The following PPP2R5B variants were observed in gnomAD, a reference collection of about 807,000 sequenced individuals.
PPP2R5B encodes the protein serine/threonine-protein phosphatase 2A 56 kDa regulatory subunit beta isoform.
PPP2R5B carries 19 observed loss-of-function variants against 59.9 expected under a neutral mutation model. That is an observed-to-expected ratio of 0.32 (90% CI 0.22 to 0.47). The LOEUF is 0.47. PPP2R5B is among the 20% of genes least tolerant of loss of function. The pLI, the probability that PPP2R5B is intolerant of heterozygous loss-of-function variation, is 1.00. For synonymous variants in PPP2R5B, 286 were observed against 260.5 expected (o/e 1.10, Z -0.94); for missense variants, 441 against 640.2 (o/e 0.69, Z 3.36).
At chr11:64,929,859 T>C (rs567364327) in intron 6 of PPP2R5B, among the ~76,000 whole-genome samples, 1 of 152,332 alleles carries the variant, frequency 6.6e-6, no homozygotes, top group East Asian at 1.9e-4. Context: ...TTAGTTGTTA[T>C]TAGCTACAAA....
intron 11 of PPP2R5B, 141 bp from the exon 12 acceptor site, chr11:64,932,624 C>T (rs1945238945): frequency 3.9e-6 from 4 of 1,025,250 alleles, no homozygotes; most frequent in Non-Finnish European, 1.4e-6. Flanking sequence ...ACTGTTGCTT[C>T]CTCCAGGGCT....
intron 2 of PPP2R5B, 124 bp from the exon 3 acceptor site, chr11:64,926,588 G>A: frequency 5.0e-6 from 5 of 1,005,000 alleles, no homozygotes; most frequent in Non-Finnish European, 5.8e-6. Context: ...GCAGGAGATG[G>A]CACAAGAGCA....
intron 13 of PPP2R5B, 39 bp downstream of exon 13, chr11:64,933,285 G>A: frequency 6.5e-7 from 1 of 1,535,404 alleles, no homozygotes; most frequent in Non-Finnish European, 9.0e-7. Flanking sequence ...AGGGAGAAGA[G>A]CAGGGAGGAG....
Position 64,925,783 on chromosome 11 carries a change from C to A in PPP2R5B, c.49C>A (p.Pro17Thr). ...AAGCACCCCCACTAGCCCCTCCTCC[C>A]CCGGGCTGTCGCCTGTGCCCCCACC... is the stretch of plus-strand genomic sequence containing the variant. ...PASTPTSPSS[P>T]GLSPVPPPDK... The change falls in exon 2 of 14, where the codon CCC becomes ACC. Residue 17 changes from proline (P) to threonine (T), a missense_variant. Around this residue, in one of 3 missense-constraint regions of PPP2R5B, gnomAD observed 103 missense variants for 87.9 expected, o/e 1.17. Coordinates refer to ENST00000164133, the MANE Select transcript of PPP2R5B (RefSeq NM_006244.4). The surrounding 1 kb of genome is among the most constrained non-coding windows in gnomAD (Gnocchi z 4.6). 1 of 1,588,844 alleles carries A rather than the reference C, an allele frequency of 6.3e-7. No homozygotes were observed. Among genetic ancestry groups the A allele is most frequent in the African/African-American group, 1.3e-5 (1 of 74,562 alleles).
rs67232843 is a variant in PPP2R5B, at chr11:64,934,123, C to T, written c.*279C>T. The T allele has an allele frequency of 0.12, 45,121 of 384,102 alleles. 3,118 individuals carry two copies. The highest frequency in any genetic ancestry group is 0.26 in the East Asian group (6,324 of 24,452). 23.8% of individuals were successfully genotyped at this position (384,102 alleles called of 1,614,324 possible). A position where few individuals can be genotyped will look rare whatever the true frequency, so the allele number is the denominator to read the frequency against. Reference sequence around the variant, plus strand: ...TTCCCCTGCCCCGCAAAGCTAGGCTCCAGCTGCAGGCGGGCTCCCACCCTC... The same window carrying T: ...TTCCCCTGCCCCGCAAAGCTAGGCTTCAGCTGCAGGCGGGCTCCCACCCTC... On this transcript the variant is annotated 3_prime_UTR_variant, in exon 14 of 14. Transcript: ENST00000164133.
In PPP2R5B at chr11:64,932,758, G is replaced by A. The variant is rs940859459; in HGVS notation, c.1117-7G>A. Reference sequence around the variant, plus strand: ...AGTTAATCACTCTGCCATCTTGTCTGCCCCAGGTTGCAGAGCGGGCTCTGT... The same window carrying A: ...AGTTAATCACTCTGCCATCTTGTCTACCCCAGGTTGCAGAGCGGGCTCTGT... On this transcript the variant is annotated splice_region_variant and splice_polypyrimidine_tract_variant and intron_variant, in intron 11 of 13. Transcript: ENST00000164133. The A allele has an allele frequency of 6.2e-7, 1 of 1,613,280 alleles. No homozygotes were observed. Among genetic ancestry groups the A allele is most frequent in the Non-Finnish European group, 8.5e-7 (1 of 1,179,618 alleles).
intron 1 of PPP2R5B, chr11:64,918,127 T>C (rs1469019986): frequency 1.3e-5 from 2 of 152,258 alleles, no homozygotes; most frequent in African/African-American, 4.8e-5. Context: ...CCAGTGTTTA[T>C]ACATAACGTT....
chr11:64,926,981 C>G (rs1367620861), intron 3 of PPP2R5B, 73 bp downstream of exon 3: 1 of 1,513,098 alleles, frequency 6.6e-7, no homozygotes, highest in Non-Finnish European at 9.0e-7. Context: ...TCCGCAGGAC[C>G]CCTGCGTGGA....
Position 64,933,789 on chromosome 11 carries a change from AG to A in PPP2R5B, c.1441del (p.Ala481ProfsTer57). ...RRLQGTQGAK[E>X]APLQRLTPQV... ...CTACAGGGGACCCAGGGGGCCAAGGAGGCCCCCCTCCAGCGGCTTACACCCC... is the reference window on the plus strand; with the variant it reads ...CTACAGGGGACCCAGGGGGCCAAGGAGCCCCCCTCCAGCGGCTTACACCCC... On this transcript the variant is annotated frameshift_variant, in exon 14 of 14. Transcript: ENST00000164133. LOFTEE classifies it high-confidence loss of function. The A allele has an allele frequency of 6.4e-7, 1 of 1,553,724 alleles. No individual in the cohort carries two copies. The highest frequency in any genetic ancestry group is 8.7e-7 in the Non-Finnish European group (1 of 1,148,208).
chr11:64,920,310 A>C (rs993234813), upstream of PPP2R5B, among the ~76,000 whole-genome samples: 1 of 152,170 alleles, frequency 6.6e-6, no homozygotes, highest in Non-Finnish European at 1.5e-5. Flanking sequence ...TTGTAACTGA[A>C]CTGGTGGGCA....
upstream of PPP2R5B, among the ~76,000 whole-genome samples, chr11:64,921,790 C>T (rs1292104101): frequency 6.6e-6 from 1 of 152,198 alleles, no homozygotes; most frequent in Admixed American, 6.5e-5. Context: ...AAGCAAACTT[C>T]ATCTATAAAT....
chr11:64,933,392 A>T, intron 13 of PPP2R5B, 146 bp downstream of exon 13: 1 of 757,832 alleles, frequency 1.3e-6, no homozygotes, highest in Admixed American at 2.2e-5. Context: ...CCTATGCCTG[A>T]CTGTCTGCCC....
In PPP2R5B at chr11:64,931,051, A is replaced by T. The variant is rs576201717; in HGVS notation, c.892-385A>T. Among the ~76,000 whole-genome samples, 120 of 150,090 alleles carry T rather than the reference A, an allele frequency of 8.0e-4. No homozygotes were observed. The highest frequency in any genetic ancestry group is 2.2e-3 in the East Asian group (11 of 5,102). ...CCACATGCCTGGCTAATTAAAAAAA[A>T]TTTTTTTTTTGTAGAGACAGTGTCT... On this transcript the variant is annotated intron_variant, in intron 8 of 13. Transcript: ENST00000164133. This position sits in a 1 kb window ranked among gnomAD's most constrained non-coding sequence, Gnocchi z 5.0.
Position 64,929,076 on chromosome 11 carries a change from TAC to T in PPP2R5B, c.722+653_722+654del, listed in dbSNP as rs1485887414. Among the ~76,000 whole-genome samples the T allele has an allele frequency of 2.6e-5, 4 of 152,344 alleles. No homozygotes were observed. The East Asian group carries it at 7.7e-4, about 29-fold the overall frequency. On this transcript the variant is annotated intron_variant, in intron 6 of 13. Transcript: ENST00000164133. ...TCCAAGCCCTTTCTCAGTAACGTATTACATATTGATTATACAAAGCCTGTGAA... is the reference window on the plus strand; with the variant it reads ...TCCAAGCCCTTTCTCAGTAACGTATTATATTGATTATACAAAGCCTGTGAA...
At chr11:64,926,621 C>G (rs1945166680) in intron 2 of PPP2R5B, 91 bp from the exon 3 acceptor site, 1 of 1,419,396 alleles carries the variant, frequency 7.0e-7, no homozygotes, top group African/African-American at 1.4e-5. Context: ...GCAGCAGAGG[C>G]AGCCGTGGAG....
chr11:64,922,816 A>G (rs1432761758), upstream of PPP2R5B, among the ~76,000 whole-genome samples: 3 of 151,630 alleles, frequency 2.0e-5, no homozygotes, highest in Non-Finnish European at 2.9e-5. Flanking sequence ...CGGAGCTTGC[A>G]GTGAGCCGAG....
Position 64,932,690 on chromosome 11 carries a change from A to G in PPP2R5B, c.1117-75A>G, listed in dbSNP as rs1945239737. The G allele has an allele frequency of 2.6e-6, 4 of 1,556,684 alleles. No individual in the cohort carries two copies. In the East Asian group the frequency reaches 9.0e-5, roughly 35 times the overall value. Reference sequence around the variant, plus strand: ...GGTCAGGGGGCCTGGGCGTTGAGGTAGTGATGGACACCAGACCTTGCACAC... The same window carrying G: ...GGTCAGGGGGCCTGGGCGTTGAGGTGGTGATGGACACCAGACCTTGCACAC... On this transcript the variant is annotated intron_variant, in intron 11 of 13. Transcript: ENST00000164133.
intron 6 of PPP2R5B, among the ~76,000 whole-genome samples, chr11:64,929,687 C>T (rs1945207422): frequency 6.6e-6 from 1 of 152,218 alleles, no homozygotes; most frequent in Non-Finnish European, 1.5e-5. Context: ...GATTGCGCCA[C>T]TGCACTCCTG....
rs991440294 is a variant in PPP2R5B, at chr11:64,925,668, C to G, written c.-67C>G. On this transcript the variant is annotated 5_prime_UTR_variant, in exon 2 of 14. Transcript: ENST00000164133. The surrounding 1 kb of genome is among the most constrained non-coding windows in gnomAD (Gnocchi z 4.6). ...GACCAAGTTAGTCTGTCCAGTCTCA[C>G]CCAGCACCTCCCAGGCCCAGAGAGA... 4 of 885,754 alleles carry G rather than the reference C, an allele frequency of 4.5e-6. No individual in the cohort carries two copies. Among genetic ancestry groups the G allele is most frequent in the Non-Finnish European group, 5.3e-6 (3 of 564,250 alleles). The allele number at this position is 885,754 out of a possible 1,614,324, so 54.9% of individuals were successfully genotyped here. A position where few individuals can be genotyped will look rare whatever the true frequency, so the allele number is the denominator to read the frequency against.
Sources: gnomAD v4.1 joint callset for allele counts (sites outside exome capture counted in the v4.1 genomes callset) on GRCh38, gnomAD v4.1.1 for gene constraint, gnomAD v4.1.1 regional missense constraint, Gnocchi (gnomAD v3.1) non-coding constraint, MANE v1.5 for transcripts, NCBI Gene and HGNC (gene_info 2026-07-23, HGNC 2026-07-21) for gene names.